RYR1: variants seen among roughly 807,000 people sequenced by gnomAD.
RYR1 encodes the protein central core disease of muscle.
A neutral mutation model predicts 583.5 loss-of-function variants in RYR1; 342 were observed. The ratio of observed to expected loss-of-function variants is 0.59; its 90% confidence interval spans 0.54 to 0.64. RYR1 has a LOEUF of 0.64. Ranked by LOEUF, RYR1 falls within the 30% of genes least tolerant of loss-of-function variation. The pLI is 0.00. For missense variants in RYR1, 6,032 were observed against 6,917.2 expected, an observed-to-expected ratio of 0.87 and a Z score of 4.54; for synonymous variants, 2,791 against 2,822.5, an observed-to-expected ratio of 0.99 and a Z score of 0.35.
At position 38,502,743 on chromosome 19, in the gene RYR1, C is replaced by A. The variant is rs547949606; in HGVS notation, c.7835+16C>A. Reference sequence around the variant, plus strand: ...CGCTCTGCAGGTGGAGCGGGGCAGGCTTCAGGGTGGGGCAGGGGCAGGGGC... The same window carrying A: ...CGCTCTGCAGGTGGAGCGGGGCAGGATTCAGGGTGGGGCAGGGGCAGGGGC... On this transcript the variant is annotated intron_variant, in intron 48 of 105. Coordinates refer to ENST00000359596, the MANE Select transcript of RYR1 (RefSeq NM_000540.3). 1 of 1,202,812 alleles carries A rather than the reference C, an allele frequency of 8.3e-7. No individual in the cohort carries two copies. The highest frequency in any genetic ancestry group is 2.0e-5 in the African/African-American group (1 of 49,372). The allele number at this position is 1,202,812 out of a possible 1,614,324, so 74.5% of individuals were successfully genotyped here.
At chr19:38,575,991 G>T (rs779063814) in intron 97 of RYR1, 30 bp downstream of exon 97, 1 of 1,613,680 alleles carries the variant, frequency 6.2e-7, no homozygotes, top group African/African-American at 1.3e-5. Flanking sequence ...CTGGGTCCTG[G>T]ATTGGGTCCC....
At chr19:38,528,800 A>G (rs1568542573) in intron 75 of RYR1, 105 bp downstream of exon 75, 1 of 1,428,782 alleles carries the variant, frequency 7.0e-7, no homozygotes, top group South Asian at 1.2e-5. Flanking sequence ...ATCAAGGGGT[A>G]TAGAAATGCC....
At chr19:38,482,625 T>A (rs1354234692) in intron 31 of RYR1, among the ~76,000 whole-genome samples, 1 of 152,092 alleles carries the variant, frequency 6.6e-6, no homozygotes, top group Non-Finnish European at 1.5e-5. Context: ...TAATTTTTTA[T>A]GTTTTGTAGA....
chr19:38,466,096 T>C lies in RYR1; in HGVS notation c.2876T>C (p.Met959Thr). The C allele has an allele frequency of 1.2e-6, 2 of 1,609,632 alleles. No homozygotes were observed. Among genetic ancestry groups the C allele is most frequent in the Non-Finnish European group, 1.7e-6 (2 of 1,178,406 alleles). The change falls in exon 24 of 106, where the codon ATG (methionine) becomes ACG (threonine). Residue 959 changes from methionine to threonine, a missense_variant. Coordinates refer to ENST00000359596, the MANE Select transcript of RYR1 (RefSeq NM_000540.3). Reference protein sequence around the residue: ...LKKTKLPKTYMMSNGYKPAPL... With the variant: ...LKKTKLPKTYTMSNGYKPAPL... ...GAGCCCTACCATGCCCGCAGGTATA[T>C]GATGAGCAATGGGTACAAGCCGGCT... is the stretch of plus-strand genomic sequence containing the variant.
rs1162159050 is a variant in RYR1, at chr19:38,506,334, A to G, written c.8573A>G (p.Gln2858Arg). Residue 2858 changes from glutamine to arginine, a missense_variant, in exon 55 of 106, where the codon CAG (glutamine) becomes CGG (arginine). Around this residue, in one of 11 missense-constraint regions of RYR1, gnomAD observed 1,493 missense variants for 1,715.5 expected, o/e 0.87. Coordinates refer to ENST00000359596, the MANE Select transcript of RYR1 (RefSeq NM_000540.3). ...GATCCTCGAGAAGGCTACAACCCTC[A>G]GCCCCCCGACCTTAGTGCTGTTACC... is the stretch of plus-strand genomic sequence containing the variant. ...TYDPREGYNP[Q>R]PPDLSAVTLS... 1 of 1,613,622 alleles carries G rather than the reference A, an allele frequency of 6.2e-7. No homozygotes were observed. The highest frequency in any genetic ancestry group is 1.1e-5 in the South Asian group (1 of 91,060).
At chr19:38,502,771 GGGC>G (rs777071069) in intron 48 of RYR1, 44 bp downstream of exon 48, 2 of 1,082,024 alleles carry the variant, frequency 1.8e-6, no homozygotes, top group Admixed American at 2.1e-5. Context: ...GCAGGGGCAG[GGGC>G]AGGGGCAGGG....
chr19:38,503,331 T>C (rs1970286870), intron 49 of RYR1, among the ~76,000 whole-genome samples: 1 of 152,236 alleles, frequency 6.6e-6, no homozygotes, highest in Admixed American at 6.5e-5. Context: ...AGTGCATTTA[T>C]TTGAATAAAC....
rs1324216072 is a variant in RYR1 at position 38,528,704 on chromosome 19, G to A, written c.11034+9G>A. The A allele has an allele frequency of 6.2e-7, 1 of 1,613,972 alleles. No individual in the cohort carries two copies. Among genetic ancestry groups the A allele is most frequent in the Admixed American group, 1.7e-5 (1 of 60,012 alleles). ...TGATAGATGACCTTTCAGTGAGCTG[G>A]GACCCGCCTGGGGGAGTGGGGGGCG... On this transcript the variant is annotated intron_variant, in intron 75 of 105. Coordinates refer to ENST00000359596, the MANE Select transcript of RYR1 (RefSeq NM_000540.3).
Position 38,519,286 on chromosome 19 carries a change from G to A in RYR1, c.10091G>A (p.Arg3364Gln), listed in dbSNP as rs1600898067. ...TCCCACTTCATCCCAACTATCGGGC[G>A]GCTGCGCAAGAGGGCAGGGAAGGTG... Reference protein sequence around the residue: ...LQSHFIPTIGRLRKRAGKVVS... With the variant: ...LQSHFIPTIGQLRKRAGKVVS... Residue 3364 changes from arginine to glutamine, a missense_variant, in exon 67 of 106, where the codon CGG (arginine) becomes CAG (glutamine). Physicochemically the swap from Arg to Gln is conservative, Grantham distance 43. Coordinates refer to ENST00000359596, the MANE Select transcript of RYR1 (RefSeq NM_000540.3). 5 of 1,614,150 alleles carry A rather than the reference G, an allele frequency of 3.1e-6. No homozygotes were observed. Among genetic ancestry groups the A allele is most frequent in the East Asian group, 2.2e-5 (1 of 44,878 alleles).
intron 102 of RYR1, among the ~76,000 whole-genome samples, chr19:38,585,506 C>T (rs541729847): frequency 6.7e-5 from 10 of 150,132 alleles, no homozygotes; most frequent in Non-Finnish European, 1.5e-4. Flanking sequence ...GGGAGTCTCG[C>T]TCTGTTGCCC....
At chr19:38,584,028 G>A (rs1974334104) in intron 101 of RYR1, among the ~76,000 whole-genome samples, 1 of 151,880 alleles carries the variant, frequency 6.6e-6, no homozygotes, top group Admixed American at 6.6e-5. Flanking sequence ...TCTCTGCTGG[G>A]AACACTCTCC....
intron 67 of RYR1, among the ~76,000 whole-genome samples, 160 bp from the exon 68 acceptor site, chr19:38,522,867 AT>A (rs1204564068): frequency 6.6e-6 from 1 of 151,110 alleles, no homozygotes; most frequent in African/African-American, 2.4e-5. Flanking sequence ...GAGAAAAAAA[AT>A]TTTTTTAATG....
chr19:38,509,477 G>A (rs1309151996), intron 58 of RYR1, among the ~76,000 whole-genome samples: 5 of 142,602 alleles, frequency 3.5e-5, no homozygotes, highest in Non-Finnish European at 7.6e-5. Context: ...TTTTGAGACG[G>A]AGTCTTGCTC....
chr19:38,528,787 C>G (rs1971600183), intron 75 of RYR1, 92 bp downstream of exon 75: 4 of 1,456,358 alleles, frequency 2.7e-6, no homozygotes, highest in South Asian at 2.3e-5. Context: ...GTCGGCCCTC[C>G]ACATCAAGGG....
chr19:38,576,909 G>A (rs190249953), intron 97 of RYR1, among the ~76,000 whole-genome samples: 19 of 151,862 alleles, frequency 1.3e-4, no homozygotes, highest in Admixed American at 8.5e-4. Flanking sequence ...TCTTTGAGAC[G>A]GAGTCTCGCT....
In RYR1 at chr19:38,454,788, TAAAAA is replaced by T. The variant is rs72192667; in HGVS notation, c.1441-440_1441-436del. 1.1e-3 allele frequency among the ~76,000 whole-genome samples: 166 copies of T among 146,226 alleles called. 1 individual carries two copies. The highest frequency in any genetic ancestry group is 4.1e-3 in the African/African-American group (165 of 40,070). The stretch of plus-strand genomic sequence containing the variant: ...TGAAATAAGAAAAAATATTAAAATG[TAAAAA>T]AAAAAAGAAAAGAAAAGATAAAGTG... On this transcript the variant is annotated intron_variant, in intron 13 of 105. Coordinates refer to ENST00000359596, the MANE Select transcript of RYR1 (RefSeq NM_000540.3).
intron 94 of RYR1, among the ~76,000 whole-genome samples, chr19:38,570,937 G>A (rs1973686510): frequency 1.3e-5 from 2 of 152,216 alleles, no homozygotes; most frequent in Admixed American, 6.5e-5. Context: ...GCAGGAGCAG[G>A]AGCTGAGTTC....
chr19:38,536,106 C>T, intron 82 of RYR1, 36 bp downstream of exon 82: 1 of 1,571,104 alleles, frequency 6.4e-7, no homozygotes, highest in African/African-American at 1.3e-5. Context: ...CCCCCTGAGA[C>T]ATCTTCCTTT....
intron 97 of RYR1, among the ~76,000 whole-genome samples, chr19:38,577,219 C>T (rs571655757): frequency 1.3e-5 from 2 of 152,194 alleles, no homozygotes; most frequent in African/African-American, 2.4e-5. Flanking sequence ...GCTTATTGAC[C>T]TTTCTGTACC....
Sources: allele counts gnomAD v4.1 joint callset (sites outside exome capture counted in the v4.1 genomes callset), GRCh38; gene constraint gnomAD v4.1.1; regional missense constraint gnomAD v4.1.1; transcripts MANE v1.5; gene names NCBI Gene and HGNC (gene_info 2026-07-23, HGNC 2026-07-21).